C1orf167: variants seen among roughly 807,000 people sequenced by gnomAD.
The protein encoded by C1orf167 is uncharacterized protein C1orf167.
C1orf167 carries 153 observed loss-of-function variants against 176.5 expected under a neutral mutation model. The ratio of observed to expected loss-of-function variants is 0.87; its 90% CI spans 0.76 to 0.99. The LOEUF is 0.99. Ranked by LOEUF, C1orf167 falls within the 50% of genes least tolerant of loss-of-function variation. The pLI is 0.00. For missense variants in C1orf167, 1,490 were observed against 1,817.7 expected (o/e 0.82, Z 3.28); for synonymous variants, 594 against 752.7 (o/e 0.79, Z 3.45).
rs187345781 is a variant in C1orf167, at chr1:11,766,364, A to G, written c.578A>G (p.His193Arg). 1.6e-3 allele frequency: 2,034 copies of G among 1,270,454 alleles called. 31 individuals are homozygous for G. In the African/African-American group the frequency reaches 0.029, roughly 18 times the overall value. The allele number at this position is 1,270,454 out of a possible 1,614,324, so 78.7% of individuals were successfully genotyped here. The change falls in exon 3 of 21, where the codon CAT (histidine) becomes CGT (arginine). Residue 193 changes from histidine to arginine, a missense_variant. His to Arg is a conservative substitution (Grantham distance 29). Transcript: ENST00000688073. The surrounding 1 kb of genome is among the most constrained non-coding windows in gnomAD (Gnocchi z 4.5). ...PTEAFAPLDG[H>R]TQPGLRSWGG... is the part of the protein sequence containing the mutation. ...GAAGCCTTTGCCCCTCTCGATGGGCATACACAGCCAGGCCTCAGATCCTGG... is the reference window on the plus strand; with the variant it reads ...GAAGCCTTTGCCCCTCTCGATGGGCGTACACAGCCAGGCCTCAGATCCTGG...
At chr1:11,779,699 G>C (rs947145432) in intron 12 of C1orf167, 103 bp from the exon 13 acceptor site, 16 of 897,184 alleles carry the variant, frequency 1.8e-5, no homozygotes, top group Non-Finnish European at 2.1e-5. Context: ...GTCACCCAGA[G>C]CCTCCTGCTG....
Position 11,767,087 on chromosome 1 carries a change from T to C in C1orf167, c.1299+2T>C. ...GTCCCAGCGAGCAGTGCGTCGAAGG[T>C]AGAGGCCCGGGGAGGCTGGAGGTGG... is the stretch of plus-strand genomic sequence containing the variant. On this transcript the variant is annotated splice_donor_variant, in intron 3 of 20. Coordinates refer to ENST00000688073, the MANE Select transcript of C1orf167 (RefSeq NM_001010881.2). LOFTEE classifies it high-confidence loss of function. 3 of 1,244,548 alleles carry C rather than the reference T, an allele frequency of 2.4e-6. No homozygotes were observed. In the South Asian group the frequency reaches 4.1e-5, roughly 17 times the overall value. 77.1% of individuals were successfully genotyped at this position (1,244,548 alleles called of 1,614,324 possible).
At chr1:11,785,511 T>C (rs1643820717) in intron 16 of C1orf167, among the ~76,000 whole-genome samples, 2 of 152,192 alleles carry the variant, frequency 1.3e-5, no homozygotes, top group African/African-American at 4.8e-5. Flanking sequence ...CAACCTCGTA[T>C]GCACCACCTC....
At chr1:11,772,313 T>C in intron 8 of C1orf167, 54 bp downstream of exon 8, 1 of 1,250,508 alleles carries the variant, frequency 8.0e-7, no homozygotes, top group East Asian at 5.7e-5. Context: ...TCACCTAGGC[T>C]GAAGTACAGT....
At chr1:11,787,147 G>A (rs961576511) in intron 16 of C1orf167, 4 of 204,356 alleles carry the variant, frequency 2.0e-5, no homozygotes. Flanking sequence ...AAGTAACTCA[G>A]CTTTGAAATG....
At chr1:11,785,030 G>A in intron 15 of C1orf167, 118 bp from the exon 16 acceptor site, 1 of 931,904 alleles carries the variant, frequency 1.1e-6, no homozygotes, top group Non-Finnish European at 1.4e-6. Flanking sequence ...TGGGAGGTGG[G>A]TGGGCCCCAG....
At chr1:11,763,215 C>G (rs553167447) in intron 1 of C1orf167, among the ~76,000 whole-genome samples, 4 of 152,194 alleles carry the variant, frequency 2.6e-5, no homozygotes, top group Admixed American at 6.5e-5. Flanking sequence ...CGAGGCGGGC[C>G]AATCACCTGA....
chr1:11,779,662 C>T (rs1211696008), intron 12 of C1orf167, 140 bp from the exon 13 acceptor site: 1 of 589,674 alleles, frequency 1.7e-6, no homozygotes, highest in Non-Finnish European at 2.6e-6. Context: ...CCCCAGCAAC[C>T]CACCCTCCCA....
intron 12 of C1orf167, 63 bp downstream of exon 12, chr1:11,779,143 C>T (rs1023074154): frequency 8.3e-7 from 1 of 1,201,382 alleles, no homozygotes; most frequent in South Asian, 1.5e-5. Flanking sequence ...CCCCTTCTCC[C>T]TTCCACCCTT....
At chr1:11,779,204 T>G in intron 12 of C1orf167, 124 bp downstream of exon 12, 1 of 934,874 alleles carries the variant, frequency 1.1e-6, no homozygotes, top group Non-Finnish European at 1.4e-6. Flanking sequence ...GGGCTTCAGT[T>G]CCTCCTGTCT....
Position 11,784,334 on chromosome 1 carries a change from G to T in C1orf167, c.3166G>T (p.Ala1056Ser), listed in dbSNP as rs1026696118. Reference protein sequence around the residue: ...VAAGAQEQRVAQASLARWRSC... With the variant: ...VAAGAQEQRVSQASLARWRSC... The stretch of plus-strand genomic sequence containing the variant: ...AGCCGGGGCACAGGAGCAGCGTGTG[G>T]CCCAGGCCTCCCTTGCCCGCTGGAG... The change falls in exon 15 of 21, where the codon GCC becomes TCC. Residue 1056 changes from alanine to serine, a missense_variant. Physicochemically the swap from Ala to Ser is moderately conservative, Grantham distance 99. Coordinates refer to ENST00000688073, the MANE Select transcript of C1orf167 (RefSeq NM_001010881.2). 2.0e-5 allele frequency: 26 copies of T among 1,303,756 alleles called. No individual in the cohort carries two copies. The highest frequency in any genetic ancestry group is 2.1e-4 in the Middle Eastern group (1 of 4,702). The allele number at this position is 1,303,756 out of a possible 1,614,324, so 80.8% of individuals were successfully genotyped here.
chr1:11,784,515 G>A lies in C1orf167; in HGVS notation c.3347G>A (p.Trp1116Ter), dbSNP rs1643749526. The change falls in exon 15 of 21, where the codon TGG becomes TAG. Residue 1116 changes from tryptophan to a stop codon, truncating the protein, a stop_gained. Transcript: ENST00000688073. LOFTEE classifies it high-confidence loss of function. ...GCCCAGGCAGCCCAGTGCTGGACTT[G>A]GTGCTGGGCTCTGTGGGTGCATGAG... ...AGAQAAQCWT[W>*]CWALWVHESC... 2 of 1,302,012 alleles carry A rather than the reference G, an allele frequency of 1.5e-6. No individual in the cohort carries two copies. Among genetic ancestry groups the A allele is most frequent in the African/African-American group, 1.5e-5 (1 of 65,846 alleles). The allele number at this position is 1,302,012 out of a possible 1,614,324, so 80.7% of individuals were successfully genotyped here.
At chr1:11,772,408 G>A (rs1381383965) in intron 8 of C1orf167, 149 bp downstream of exon 8, 1 of 656,176 alleles carries the variant, frequency 1.5e-6, no homozygotes. Context: ...GGGACCATAA[G>A]CATGTGCCAC....
At chr1:11,771,165 C>T (rs1196847212) in intron 6 of C1orf167, among the ~76,000 whole-genome samples, 5 of 145,560 alleles carry the variant, frequency 3.4e-5, no homozygotes, top group African/African-American at 1.0e-4. Context: ...GTGATCTGCC[C>T]GTCTCAGCCT....
At chr1:11,785,061 G>T in intron 15 of C1orf167, 87 bp from the exon 16 acceptor site, 1 of 1,117,084 alleles carries the variant, frequency 9.0e-7, no homozygotes, top group Non-Finnish European at 1.1e-6. Flanking sequence ...GGCCCGGAAG[G>T]CCCCCTCCCG....
At position 11,768,264 on chromosome 1, in the gene C1orf167, A is replaced by G; in HGVS notation, c.1531A>G (p.Ser511Gly). ...GQYTKVLLVR[S>G]FREWRNLALQ... ...GTACACAAAGGTTCTGCTGGTCCGG[A>G]GCTTCCGAGAGGTCAGCGGTCTCCA... The change falls in exon 5 of 21, where the codon AGC (serine) becomes GGC (glycine). Residue 511 changes from serine (S) to glycine (G), a missense_variant. By Grantham distance (56) the Ser-to-Gly change is moderately conservative (BLOSUM62 0). Coordinates refer to ENST00000688073, the MANE Select transcript of C1orf167 (RefSeq NM_001010881.2). This position sits in a 1 kb window ranked among gnomAD's most constrained non-coding sequence, Gnocchi z 4.5. 2.3e-6 allele frequency: 3 copies of G among 1,289,890 alleles called. No individual in the cohort carries two copies. Among genetic ancestry groups the G allele is most frequent in the Non-Finnish European group, 3.0e-6 (3 of 988,814 alleles). 79.9% of individuals were successfully genotyped at this position (1,289,890 alleles called of 1,614,324 possible).
rs770958132 is a variant in C1orf167 at position 11,784,182 on chromosome 1, A to G, written c.3014A>G (p.Gln1005Arg). The stretch of plus-strand genomic sequence containing the variant: ...ATGTGTCTGTTTTGCAGCTACTTCC[A>G]GGCCTGGTGTGAGGTTGTAAGAGAC... Reference protein sequence around the residue: ...PEQLLLQSYFQAWCEVVRDTG... With the variant: ...PEQLLLQSYFRAWCEVVRDTG... The change falls in exon 15 of 21, where the codon CAG becomes CGG. Residue 1005 changes from glutamine (Q) to arginine (R), a missense_variant. Transcript: ENST00000688073. 4.9e-6 allele frequency: 6 copies of G among 1,228,866 alleles called. No individual in the cohort carries two copies. In the Admixed American group the frequency reaches 1.8e-4, roughly 37 times the overall value. The allele number at this position is 1,228,866 out of a possible 1,614,324, so 76.1% of individuals were successfully genotyped here.
intron 13 of C1orf167, among the ~76,000 whole-genome samples, chr1:11,781,504 A>G (rs543935986): frequency 6.6e-6 from 1 of 152,336 alleles, no homozygotes; most frequent in Admixed American, 6.5e-5. Flanking sequence ...TGGTGGTTCT[A>G]GAAAGTCATG....
In C1orf167 at chr1:11,768,063, T is replaced by C. The variant is rs766159172; in HGVS notation, c.1344-14T>C. On this transcript the variant is annotated splice_polypyrimidine_tract_variant and intron_variant, in intron 4 of 20. Coordinates refer to ENST00000688073, the MANE Select transcript of C1orf167 (RefSeq NM_001010881.2). This position sits in a 1 kb window ranked among gnomAD's most constrained non-coding sequence, Gnocchi z 4.5. ...GGGCAGTCCACACCCTGATCAGCCC[T>C]GGTCTGTCCCCAGCTGGCAGCTGTT... 4.7e-6 allele frequency: 6 copies of C among 1,277,928 alleles called. No homozygotes were observed. Among genetic ancestry groups the C allele is most frequent in the Non-Finnish European group, 6.1e-6 (6 of 982,444 alleles). The allele number at this position is 1,277,928 out of a possible 1,614,324, so 79.2% of individuals were successfully genotyped here. A position where few individuals can be genotyped will look rare whatever the true frequency, so the allele number is the denominator to read the frequency against.
Sources: gnomAD v4.1 joint callset for allele counts (sites outside exome capture counted in the v4.1 genomes callset) on GRCh38, gnomAD v4.1.1 for gene constraint, Gnocchi (gnomAD v3.1) non-coding constraint, MANE v1.5 for transcripts, NCBI Gene and HGNC (gene_info 2026-07-23, HGNC 2026-07-21) for gene names.